Variants in EML5 observed in about 807,000 individuals in gnomAD.
EML5 encodes EMAP like 5.
A neutral mutation model predicts 250.0 loss-of-function variants in EML5; 120 were observed. That is an observed-to-expected ratio of 0.48 (90% confidence interval 0.41 to 0.56). The LOEUF (loss-of-function observed/expected upper bound fraction) is 0.56. Ranked by LOEUF, EML5 falls within the 20% of genes least tolerant of loss-of-function variation. The pLI is 0.00. For missense variants in EML5, 2,006 were observed against 2,437.6 expected (o/e 0.82, Z 3.73); for synonymous variants, 771 against 806.5 (o/e 0.96, Z 0.75).
At position 88,704,998 on chromosome 14, in the gene EML5, T is replaced by C; in HGVS notation, c.1933-20A>G. On this transcript the variant is annotated intron_variant, in intron 12 of 43. Coordinates refer to ENST00000554922, the MANE Select transcript of EML5 (RefSeq NM_183387.3). ...GTAAACCTTTAAAAATGTATACAAGTAGAAATATTCTTAGAATATATACTA... is the reference window on the plus strand; with the variant it reads ...GTAAACCTTTAAAAATGTATACAAGCAGAAATATTCTTAGAATATATACTA... The C allele has an allele frequency of 6.6e-7, 1 of 1,512,220 alleles. No homozygotes were observed. The highest frequency in any genetic ancestry group is 9.1e-7 in the Non-Finnish European group (1 of 1,094,344). The allele number at this position is 1,512,220 out of a possible 1,614,324, so 93.7% of individuals were successfully genotyped here.
chr14:88,736,347 G>T lies in EML5; in HGVS notation c.1049+17C>A. ...GGATACATTCCAGCCTATGGAATTA[G>T]TTTATAATTTGCTTACCTGACCGAA... On this transcript the variant is annotated intron_variant, in intron 7 of 43. Transcript: ENST00000554922. The T allele has an allele frequency of 6.2e-7, 1 of 1,613,340 alleles. No individual in the cohort carries two copies. Among genetic ancestry groups the T allele is most frequent in the Non-Finnish European group, 8.5e-7 (1 of 1,179,344 alleles).
At chr14:88,729,854 C>A (rs900826275) in intron 7 of EML5, among the ~76,000 whole-genome samples, 2 of 141,394 alleles carry the variant, frequency 1.4e-5, no homozygotes, top group African/African-American at 2.8e-5. Context: ...AGCCACCACA[C>A]TCGGTCTTGT....
At chr14:88,771,399 G>A (rs892980774) in intron 1 of EML5, among the ~76,000 whole-genome samples, 16 of 152,202 alleles carry the variant, frequency 1.1e-4, no homozygotes, top group African/African-American at 3.6e-4. Flanking sequence ...TGAACTCTCC[G>A]CTTGTGTTCT....
chr14:88,774,695 C>T (rs1366926226), intron 1 of EML5, among the ~76,000 whole-genome samples: 1 of 152,136 alleles, frequency 6.6e-6, no homozygotes, highest in East Asian at 1.9e-4. Flanking sequence ...AGTTCTTCAT[C>T]TCCCCTACAT....
intron 21 of EML5, among the ~76,000 whole-genome samples, chr14:88,673,189 C>T (rs558232707): frequency 1.1e-4 from 17 of 152,298 alleles, no homozygotes; most frequent in South Asian, 2.1e-4. Flanking sequence ...TTATCCACCA[C>T]GATCAAGCTG....
intron 1 of EML5, among the ~76,000 whole-genome samples, chr14:88,788,181 C>G (rs770422491): frequency 1.5e-4 from 23 of 151,666 alleles, no homozygotes; most frequent in Non-Finnish European, 2.8e-4. Flanking sequence ...CCCATATAAA[C>G]ACAAAAAAAA....
rs758441495 is a variant in EML5, at chr14:88,746,282, C to T, written c.359G>A (p.Arg120His). 10 of 1,612,100 alleles carry T rather than the reference C, an allele frequency of 6.2e-6. No homozygotes were observed. Among genetic ancestry groups the T allele is most frequent in the Admixed American group, 1.7e-5 (1 of 59,756 alleles). The change falls in exon 3 of 44, where the codon CGC becomes CAC. Residue 120 changes from arginine to histidine, a missense_variant and splice_region_variant. By Grantham distance (29) the Arg-to-His change is conservative. This residue lies in a region of EML5 where 162 missense variants were observed against 212.2 expected (regional missense o/e 0.76). Coordinates refer to ENST00000554922, the MANE Select transcript of EML5 (RefSeq NM_183387.3). Reference protein sequence around the residue: ...ACLAFDLDGQRLVSVGLDSKN... With the variant: ...ACLAFDLDGQHLVSVGLDSKN... ...TGAATCAAGTCCAACTGAAACCAAG[C>T]GCTGATTTATGTCCAAGAAGTCCAG...
rs1487782030 is a variant in EML5, at chr14:88,695,461, A to G, written c.2345-7T>C. 4 of 1,608,628 alleles carry G rather than the reference A, an allele frequency of 2.5e-6. No individual in the cohort carries two copies. The highest frequency in any genetic ancestry group is 3.4e-6 in the Non-Finnish European group (4 of 1,177,190). On this transcript the variant is annotated splice_polypyrimidine_tract_variant and splice_region_variant and intron_variant, in intron 15 of 43. Coordinates refer to ENST00000554922, the MANE Select transcript of EML5 (RefSeq NM_183387.3). ...GCCAAACGTTTCCCATCCGCTGTGGAAAATTAATGAGAGAGATAAACTGAC... is the reference window on the plus strand; with the variant it reads ...GCCAAACGTTTCCCATCCGCTGTGGGAAATTAATGAGAGAGATAAACTGAC...
chr14:88,707,023 A>C (rs558741903), intron 10 of EML5, among the ~76,000 whole-genome samples: 15 of 152,312 alleles, frequency 9.8e-5, no homozygotes, highest in African/African-American at 3.6e-4. Context: ...ATATTTAAAA[A>C]AAATCTTTCA....
intron 21 of EML5, among the ~76,000 whole-genome samples, chr14:88,672,021 G>T (rs1016125024): frequency 1.6e-4 from 25 of 152,040 alleles, no homozygotes; most frequent in African/African-American, 6.0e-4. Context: ...AGATATTCAG[G>T]ACTTGAACTC....
chr14:88,694,653 T>A (rs916074088), intron 16 of EML5, among the ~76,000 whole-genome samples: 5 of 152,222 alleles, frequency 3.3e-5, no homozygotes, highest in African/African-American at 1.2e-4. Flanking sequence ...TAATACCTAC[T>A]ATAGTACTGT....
chr14:88,634,019 TTGA>T (rs1444020299), intron 33 of EML5, among the ~76,000 whole-genome samples: 2 of 152,176 alleles, frequency 1.3e-5, no homozygotes, highest in African/African-American at 4.8e-5. Context: ...AACAAGATAC[TTGA>T]TGATATGGTT....
At chr14:88,726,425 GGATA>G (rs1157176938) in intron 8 of EML5, 112 bp downstream of exon 8, 3 of 708,214 alleles carry the variant, frequency 4.2e-6, no homozygotes, top group African/African-American at 3.7e-5. Flanking sequence ...GAAGAGAAAA[GGATA>G]AATAGGTAAA....
At chr14:88,761,466 CTA>C (rs1449137624) in intron 1 of EML5, among the ~76,000 whole-genome samples, 1 of 152,112 alleles carries the variant, frequency 6.6e-6, no homozygotes, top group Non-Finnish European at 1.5e-5. Context: ...TTTTCTGTTC[CTA>C]TGTTAGTTTG....
At chr14:88,761,606 TTTGGG>T (rs2094244771) in intron 1 of EML5, among the ~76,000 whole-genome samples, 1 of 152,234 alleles carries the variant, frequency 6.6e-6, no homozygotes, top group Admixed American at 6.5e-5. Flanking sequence ...TTGATGGGCA[TTTGGG>T]TTGGTTCCAA....
Position 88,696,948 on chromosome 14 carries a change from C to A in EML5, c.2243G>T (p.Gly748Val). The change falls in exon 15 of 44, where the codon GGT becomes GTT. Residue 748 changes from glycine to valine, a missense_variant. Gly to Val is a moderately radical substitution (Grantham distance 109). Coordinates refer to ENST00000554922, the MANE Select transcript of EML5 (RefSeq NM_183387.3). ...CCATATATGAATTGAGGGATCTCTA[C>A]CAACCTAAAATAGAATTATAGAAGC... ...LKDYVATGQV[G>V]RDPSIHIWDT... 4 of 1,568,248 alleles carry A rather than the reference C, an allele frequency of 2.6e-6. No individual in the cohort carries two copies. The highest frequency in any genetic ancestry group is 1.2e-5 in the South Asian group (1 of 82,454).
intron 33 of EML5, among the ~76,000 whole-genome samples, chr14:88,633,979 T>TA (rs923049433): frequency 1.1e-4 from 16 of 152,066 alleles, no homozygotes; most frequent in African/African-American, 2.4e-4. Context: ...TATTCTTCAT[T>TA]AAAAAAAATC....
At chr14:88,693,025 TTTTTA>T (rs1241258146) in intron 17 of EML5, among the ~76,000 whole-genome samples, 1 of 152,148 alleles carries the variant, frequency 6.6e-6, no homozygotes, top group Non-Finnish European at 1.5e-5. Flanking sequence ...AAACAGACAT[TTTTTA>T]TTTTATAGTT....
At chr14:88,621,402 T>C (rs1208497257) in intron 37 of EML5, 101 bp from the exon 38 acceptor site, 1 of 1,459,196 alleles carries the variant, frequency 6.9e-7, no homozygotes, top group Non-Finnish European at 9.4e-7. Context: ...CAGAGAACTT[T>C]TTGCTTTGAG....
Sources: allele counts gnomAD v4.1 joint callset (sites outside exome capture counted in the v4.1 genomes callset), GRCh38; gene constraint gnomAD v4.1.1; regional missense constraint gnomAD v4.1.1; transcripts MANE v1.5; gene names NCBI Gene and HGNC (gene_info 2026-07-23, HGNC 2026-07-21).